Variants in HERC3 observed in about 807,000 individuals in gnomAD.
The protein encoded by HERC3 is probable E3 ubiquitin-protein ligase HERC3.
In HERC3, 58 loss-of-function variants were observed where a neutral mutation model predicts 129.9. The observed-to-expected ratio is 0.45, with a 90% CI of 0.36 to 0.56. The LOEUF is 0.56. Ranked by LOEUF, HERC3 falls within the 20% of genes least tolerant of loss-of-function variation. HERC3 has a pLI of 0.00. For synonymous variants in HERC3, 430 were observed against 451.0 expected (o/e 0.95, Z 0.59); for missense variants, 835 against 1,244.2 (o/e 0.67, Z 4.95).
intron 23 of HERC3, 134 bp downstream of exon 23, chr4:88,687,433 A>G (rs547271692): frequency 1.7e-5 from 7 of 415,370 alleles, no homozygotes; most frequent in Non-Finnish European, 3.0e-5. Context: ...TGATAGGGCA[A>G]TAATTTACAG....
At chr4:88,539,945 C>T in the HERC3 span, among the ~76,000 whole-genome samples, 1 of 152,162 alleles carries the variant, frequency 6.6e-6, no homozygotes, top group East Asian at 1.9e-4. Flanking sequence ...TCACCAACAA[C>T]AAAGACCAAA....
At chr4:88,563,557 G>A in the HERC3 span, among the ~76,000 whole-genome samples, 3,601 of 152,184 alleles carry the variant, frequency 0.024, 65 homozygotes, top group Non-Finnish European at 0.037. Context: ...AAAGGTGAAA[G>A]TGGGCATCCT....
At chr4:88,590,355 T>C (rs1287580624), upstream of HERC3, among the ~76,000 whole-genome samples, 1 of 151,852 alleles carries the variant, frequency 6.6e-6, no homozygotes, top group South Asian at 2.1e-4. Flanking sequence ...GGTCAGGAGA[T>C]TGAGACCATC....
the HERC3 span, among the ~76,000 whole-genome samples, chr4:88,554,919 G>A: frequency 3.3e-5 from 5 of 152,134 alleles, no homozygotes; most frequent in Non-Finnish European, 7.3e-5. Context: ...TAATGTTTAC[G>A]GAGAGTCAAA....
In HERC3 at chr4:88,607,463, T is replaced by G. The variant is rs568843848; in HGVS notation, c.226+1414T>G. On this transcript the variant is annotated intron_variant, in intron 3 of 25. Coordinates refer to ENST00000402738, the MANE Select transcript of HERC3 (RefSeq NM_014606.3). ...CTTGTTGATTTTATTTTTTTCCACC[T>G]ATTTTTACATTTTTTTTTGAGACAG... Among the ~76,000 whole-genome samples the G allele has an allele frequency of 1.6e-4, 24 of 152,264 alleles. No individual in the cohort carries two copies. The South Asian group carries it at 4.1e-3, about 26-fold the overall frequency.
At chr4:88,672,998 T>G (rs1273598239) in intron 16 of HERC3, among the ~76,000 whole-genome samples, 1 of 152,146 alleles carries the variant, frequency 6.6e-6, no homozygotes, top group East Asian at 1.9e-4. Flanking sequence ...CATTCTAAAG[T>G]GGCTGATTTT....
At chr4:88,676,622 T>G (rs1316682857) in intron 18 of HERC3, among the ~76,000 whole-genome samples, 199 bp downstream of exon 18, 2 of 151,924 alleles carry the variant, frequency 1.3e-5, no homozygotes, top group Non-Finnish European at 2.9e-5. Context: ...GATTAGAGAT[T>G]GGCAAAAGGA....
At chr4:88,603,313 T>C (rs1035069622) in intron 2 of HERC3, among the ~76,000 whole-genome samples, 8 of 151,650 alleles carry the variant, frequency 5.3e-5, no homozygotes, top group African/African-American at 1.9e-4. Context: ...GTTCAAGCGA[T>C]TCTTGTGCCT....
At chr4:88,572,124 C>T in the HERC3 span, among the ~76,000 whole-genome samples, 2 of 152,096 alleles carry the variant, frequency 1.3e-5, no homozygotes, top group Non-Finnish European at 2.9e-5. Context: ...GCAGAGAGGT[C>T]TCAGAAGAAA....
At chr4:88,524,715 C>A in the HERC3 span, 1 of 152,190 alleles carries the variant, frequency 6.6e-6, no homozygotes, top group Non-Finnish European at 1.5e-5. Context: ...GTGCCTGGCA[C>A]AAATTAATGC....
the HERC3 span, among the ~76,000 whole-genome samples, chr4:88,544,406 A>G: frequency 6.6e-6 from 1 of 152,242 alleles, no homozygotes; most frequent in African/African-American, 2.4e-5. Flanking sequence ...TATTATTAAA[A>G]AGTCAGGAAA....
chr4:88,595,100 CAAAAAAAAAAAA>C (rs758727600), intron 1 of HERC3, among the ~76,000 whole-genome samples: 1 of 60,084 alleles, frequency 1.7e-5, no homozygotes, highest in Non-Finnish European at 2.9e-5. Flanking sequence ...GACTCTGTCT[CAAAAAAAAAAAA>C]AAAAAAAAAA....
At chr4:88,555,281 C>CAAAAA in the HERC3 span, among the ~76,000 whole-genome samples, 4 of 110,442 alleles carry the variant, frequency 3.6e-5, no homozygotes, top group South Asian at 2.8e-4. Flanking sequence ...GACTCCGTCT[C>CAAAAA]AAAAAAAAAA....
intron 3 of HERC3, among the ~76,000 whole-genome samples, chr4:88,647,086 G>A (rs184709121): frequency 6.6e-6 from 1 of 152,166 alleles, no homozygotes; most frequent in African/African-American, 2.4e-5. Flanking sequence ...GCTCAGGTGC[G>A]GCTGGTGAGT....
intron 3 of HERC3, among the ~76,000 whole-genome samples, chr4:88,613,400 G>A (rs931115956): frequency 2.0e-5 from 3 of 152,204 alleles, no homozygotes; most frequent in Non-Finnish European, 2.9e-5. Flanking sequence ...TTCAGTCTAA[G>A]CATTTCCCTA....
chr4:88,542,892 T>G, the HERC3 span, among the ~76,000 whole-genome samples: 3 of 152,194 alleles, frequency 2.0e-5, no homozygotes, highest in Non-Finnish European at 4.4e-5. Flanking sequence ...CAACAGCCCT[T>G]CATGCTGAAA....
intron 9 of HERC3, chr4:88,656,302 A>G: frequency 4.7e-6 from 2 of 425,620 alleles, no homozygotes; most frequent in South Asian, 7.2e-5. Flanking sequence ...TTTATGAAGA[A>G]AAGAGTTTTA....
At chr4:88,623,143 G>C (rs1176503580) in intron 3 of HERC3, among the ~76,000 whole-genome samples, 1 of 152,172 alleles carries the variant, frequency 6.6e-6, no homozygotes, top group African/African-American at 2.4e-5. Flanking sequence ...CTTAACATCA[G>C]ATTCACCTGG....
chr4:88,631,004 G>T (rs1222295427), intron 3 of HERC3, among the ~76,000 whole-genome samples: 1 of 152,180 alleles, frequency 6.6e-6, no homozygotes, highest in Non-Finnish European at 1.5e-5. Context: ...GACTTCGTCA[G>T]TATATCTAGC....
Sources: allele counts gnomAD v4.1 joint callset (sites outside exome capture counted in the v4.1 genomes callset), GRCh38; gene constraint gnomAD v4.1.1; transcripts MANE v1.5; gene names NCBI Gene and HGNC (gene_info 2026-07-23, HGNC 2026-07-21).